The following BIRC6 variants were observed in gnomAD, a reference collection of about 807,000 sequenced individuals.
The protein encoded by BIRC6 is baculoviral IAP repeat containing 6.
Under a neutral mutation model 503.3 loss-of-function variants are expected in BIRC6, and 98 were observed. That is an observed-to-expected ratio of 0.19 (90% CI 0.17 to 0.23). BIRC6 has a LOEUF of 0.23. BIRC6 is among the 10% of genes least tolerant of loss of function. The pLI, the probability that BIRC6 is intolerant of heterozygous loss-of-function variation, is 1.00. For synonymous variants in BIRC6, 2,240 were observed against 2,078.7 expected, an observed-to-expected ratio of 1.08 and a Z score of -2.11; for missense variants, 5,360 against 5,806.0, an observed-to-expected ratio of 0.92 and a Z score of 2.50.
intron 9 of BIRC6, among the ~76,000 whole-genome samples, chr2:32,412,734 G>T (rs2042022600): frequency 6.6e-6 from 1 of 152,000 alleles, no homozygotes; most frequent in African/African-American, 2.4e-5. Flanking sequence ...TGGGGTGAGA[G>T]AGAAGAAATG....
At chr2:32,474,560 G>T (rs1337342829) in intron 33 of BIRC6, among the ~76,000 whole-genome samples, 2 of 152,166 alleles carry the variant, frequency 1.3e-5, no homozygotes, top group Non-Finnish European at 2.9e-5. Flanking sequence ...CATTTTGATG[G>T]TTGTAACTGT....
intron 71 of BIRC6, among the ~76,000 whole-genome samples, chr2:32,606,114 A>G (rs2062430950): frequency 6.6e-6 from 1 of 152,190 alleles, no homozygotes; most frequent in African/African-American, 2.4e-5. Flanking sequence ...TTGCGTAGAT[A>G]ATATCTGATG....
chr2:32,431,295 A>AAGTGATTC (rs1208114783), intron 12 of BIRC6, among the ~76,000 whole-genome samples: 21 of 135,264 alleles, frequency 1.6e-4, no homozygotes, highest in African/African-American at 5.9e-4. Context: ...TCCTGGGTTC[A>AAGTGATTC]AGTGATTCTC....
chr2:32,521,772 A>T (rs1342950112), intron 57 of BIRC6, among the ~76,000 whole-genome samples: 1 of 151,854 alleles, frequency 6.6e-6, no homozygotes, highest in African/African-American at 2.4e-5. Context: ...GAGCCACCAC[A>T]TCAGGCCGAC....
At chr2:32,479,275 G>C (rs1248521736) in intron 36 of BIRC6, among the ~76,000 whole-genome samples, 187 bp from the exon 37 acceptor site, 2 of 152,156 alleles carry the variant, frequency 1.3e-5, no homozygotes, top group Non-Finnish European at 2.9e-5. Context: ...CTTGTCTCTA[G>C]CATTTGAAAG....
chr2:32,576,846 C>G (rs1375593259), intron 66 of BIRC6, among the ~76,000 whole-genome samples: 1 of 152,040 alleles, frequency 6.6e-6, no homozygotes, highest in Non-Finnish European at 1.5e-5. Context: ...CAGTCAGAAT[C>G]ATAAATTATA....
At chr2:32,390,336 A>G (rs1431241384) in intron 4 of BIRC6, among the ~76,000 whole-genome samples, 5 of 151,894 alleles carry the variant, frequency 3.3e-5, no homozygotes, top group Non-Finnish European at 7.4e-5. Context: ...ATGCCCAGCT[A>G]ATTTTTTGTA....
chr2:32,583,443 A>T (rs1243044023), intron 66 of BIRC6, among the ~76,000 whole-genome samples: 1 of 152,200 alleles, frequency 6.6e-6, no homozygotes, highest in African/African-American at 2.4e-5. Flanking sequence ...ATGAATATTG[A>T]TGTTGGCTGG....
intron 22 of BIRC6, 71 bp downstream of exon 22, chr2:32,448,999 A>G (rs2148523172): frequency 1.4e-6 from 2 of 1,413,786 alleles, no homozygotes; most frequent in Non-Finnish European, 9.7e-7. Flanking sequence ...TTGACTTAAT[A>G]GATTATAGTC....
intron 10 of BIRC6, among the ~76,000 whole-genome samples, chr2:32,424,057 A>G (rs940056046): frequency 6.6e-6 from 1 of 152,180 alleles, no homozygotes; most frequent in African/African-American, 2.4e-5. Flanking sequence ...TTTATGTTGA[A>G]AAGGCGAAAT....
In BIRC6 at chr2:32,467,929, T is replaced by A; in HGVS notation, c.5598T>A (p.Ser1866Arg). ...MKITVIGRYG[S>R]TNARAKIPLG... ...TCACTGTTATTGGACGTTACGGGAG[T>A]ACAAATGCCAGAGCCAAAATCCCAT... Residue 1866 changes from serine to arginine, a missense_variant, in exon 28 of 74, where the codon AGT (serine) becomes AGA (arginine). Coordinates refer to ENST00000421745, the MANE Select transcript of BIRC6 (RefSeq NM_016252.4). The A allele has an allele frequency of 6.2e-7, 1 of 1,613,302 alleles. No homozygotes were observed. The highest frequency in any genetic ancestry group is 8.5e-7 in the Non-Finnish European group (1 of 1,179,600).
At chr2:32,445,022 T>C (rs1217675662) in intron 20 of BIRC6, among the ~76,000 whole-genome samples, 1 of 152,248 alleles carries the variant, frequency 6.6e-6, no homozygotes, top group Non-Finnish European at 1.5e-5. Flanking sequence ...TTTTAAGCAA[T>C]GTCGATCTGT....
chr2:32,443,382 A>C, intron 19 of BIRC6, 109 bp from the exon 20 acceptor site: 1 of 680,800 alleles, frequency 1.5e-6, no homozygotes, highest in Non-Finnish European at 2.4e-6. Flanking sequence ...TTTTTCTTTT[A>C]ATCGGTATAG....
chr2:32,450,095 G>A (rs754022418), intron 22 of BIRC6, among the ~76,000 whole-genome samples: 5 of 152,182 alleles, frequency 3.3e-5, no homozygotes, highest in East Asian at 1.9e-4. Context: ...GGGTGAAAGC[G>A]TAAGGGAAGG....
At position 32,357,598 on chromosome 2, in the gene BIRC6, G is replaced by A. The variant is rs903686707; in HGVS notation, c.325+112G>A. On this transcript the variant is annotated intron_variant, in intron 1 of 73. Coordinates refer to ENST00000421745, the MANE Select transcript of BIRC6 (RefSeq NM_016252.4). This position sits in a 1 kb window ranked among gnomAD's most constrained non-coding sequence, Gnocchi z 4.9. ...AGATGGCGAGAGGGCAGGGCTGGGG[G>A]TTCGGGCCCAGCCGTGAAGGGAGGC... 5 of 1,463,242 alleles carry A rather than the reference G, an allele frequency of 3.4e-6. No individual in the cohort carries two copies. Among genetic ancestry groups the A allele is most frequent in the Admixed American group, 2.8e-5 (1 of 36,068 alleles). The allele number at this position is 1,463,242 out of a possible 1,614,324, so 90.6% of individuals were successfully genotyped here.
Position 32,415,586 on chromosome 2 carries a change from C to T in BIRC6, c.2295C>T (p.Ala765=). 6.2e-7 allele frequency: 1 copy of T among 1,613,794 alleles called. No homozygotes were observed. Among genetic ancestry groups the T allele is most frequent in the Non-Finnish European group, 8.5e-7 (1 of 1,179,778 alleles). The change falls in exon 10 of 74, where the codon GCC becomes GCT. Residue 765 remains alanine (A), a synonymous_variant. Transcript: ENST00000421745. The stretch of plus-strand genomic sequence containing the variant: ...TGAGTGCAATAAATCAAGTAGAGGC[C>T]TTGAATAATTTAAATAAATTAAACT... ...ESLSAINQVE[A]LNNLNKLNSA... is the part of the protein sequence containing the mutation.
At chr2:32,516,180 T>A (rs910894443) in intron 55 of BIRC6, among the ~76,000 whole-genome samples, 1 of 152,178 alleles carries the variant, frequency 6.6e-6, no homozygotes, top group Non-Finnish European at 1.5e-5. Context: ...GGCATTAGAT[T>A]AGGTTTCAGA....
intron 40 of BIRC6, among the ~76,000 whole-genome samples, chr2:32,486,231 C>T (rs1198619517): frequency 6.6e-6 from 1 of 152,114 alleles, no homozygotes; most frequent in Non-Finnish European, 1.5e-5. Flanking sequence ...ACCTAATAAC[C>T]TACAGAAAAG....
intron 39 of BIRC6, 47 bp from the exon 40 acceptor site, chr2:32,485,596 A>G (rs1339998005): frequency 4.0e-6 from 5 of 1,238,500 alleles, no homozygotes; most frequent in Non-Finnish European, 5.9e-6. Context: ...GTAGGACATG[A>G]GTAATAATTG....
Sources: gnomAD v4.1 joint callset for allele counts (sites outside exome capture counted in the v4.1 genomes callset) on GRCh38, gnomAD v4.1.1 for gene constraint, Gnocchi (gnomAD v3.1) non-coding constraint, MANE v1.5 for transcripts, NCBI Gene and HGNC (gene_info 2026-07-23, HGNC 2026-07-21) for gene names.